The following PIK3R3 variants were observed in gnomAD, a reference collection of about 807,000 sequenced individuals.
PIK3R3 encodes the protein phosphoinositide-3-kinase regulatory subunit 3.
PIK3R3 carries 64 observed loss-of-function variants against 62.9 expected under a neutral mutation model. The ratio of observed to expected loss-of-function variants is 1.02; its 90% CI spans 0.83 to 1.25. The LOEUF (loss-of-function observed/expected upper bound fraction) is 1.25. Among genes scored for constraint, PIK3R3 ranks in the 50% most tolerant of loss-of-function variants. The pLI is 0.00. For synonymous variants in PIK3R3, 165 were observed against 189.0 expected (o/e 0.87, Z 1.04); for missense variants, 614 against 561.6 (o/e 1.09, Z -0.94).
chr1:46,168,847 T>A, the PIK3R3 span, among the ~76,000 whole-genome samples: 23 of 151,722 alleles, frequency 1.5e-4, no homozygotes, highest in African/African-American at 5.6e-4. Context: ...TTACACCCCC[T>A]CCTCAACACA....
the PIK3R3 span, among the ~76,000 whole-genome samples, chr1:46,144,833 A>T: frequency 1.3e-5 from 2 of 151,518 alleles, no homozygotes; most frequent in African/African-American, 4.9e-5. Flanking sequence ...AACTTAGAAG[A>T]CTGGGTTGAG....
intron 6 of PIK3R3, among the ~76,000 whole-genome samples, chr1:46,059,809 T>A (rs895679419): frequency 2.0e-5 from 3 of 150,362 alleles, no homozygotes; most frequent in Non-Finnish European, 3.0e-5. Context: ...ATAAAAAAAA[T>A]TAAAAATAGG....
the PIK3R3 span, among the ~76,000 whole-genome samples, chr1:46,152,947 C>T: frequency 1.1e-4 from 17 of 152,292 alleles, no homozygotes; most frequent in East Asian, 3.1e-3. Flanking sequence ...TGTTCAGGAA[C>T]TTAAGAGAAT....
intron 1 of PIK3R3, among the ~76,000 whole-genome samples, chr1:46,113,425 C>T (rs971375801): frequency 1.3e-5 from 2 of 151,532 alleles, no homozygotes; most frequent in African/African-American, 4.9e-5. Flanking sequence ...TCCCAAGTAG[C>T]TGGGACTACA....
rs1646975571 is a variant in PIK3R3, at chr1:46,040,457, GCA to G, written c.*3214_*3215del. On this transcript the variant is annotated 3_prime_UTR_variant, in exon 10 of 10. Coordinates refer to ENST00000262741, the MANE Select transcript of PIK3R3 (RefSeq NM_003629.4). ...CAGAATAGATTTTTCACAAGTAACG[GCA>G]CCAAAGTCACATGCTGGAATTTGTA... 1.7e-5 allele frequency: 4 copies of G among 229,954 alleles called. No individual in the cohort carries two copies. The highest frequency in any genetic ancestry group is 3.4e-5 in the Non-Finnish European group (4 of 115,998). The allele number at this position is 229,954 out of a possible 1,614,324, so 14.2% of individuals were successfully genotyped here. A position where few individuals can be genotyped will look rare whatever the true frequency, so the allele number is the denominator to read the frequency against.
intron 1 of PIK3R3, among the ~76,000 whole-genome samples, chr1:46,122,915 TG>T (rs1654805436): frequency 6.6e-6 from 1 of 151,912 alleles, no homozygotes; most frequent in East Asian, 1.9e-4. Flanking sequence ...ACTTGGGCAC[TG>T]GATGTTTAGG....
the PIK3R3 span, among the ~76,000 whole-genome samples, chr1:46,142,111 A>C: frequency 2.0e-5 from 3 of 152,126 alleles, no homozygotes; most frequent in African/African-American, 7.2e-5. Context: ...ACCTGTACCC[A>C]TTCTTGCTTC....
chr1:46,048,194 C>G (rs1415557085), intron 7 of PIK3R3: 1 of 152,174 alleles, frequency 6.6e-6, no homozygotes, highest in Non-Finnish European at 1.5e-5. Context: ...ACAGCACATG[C>G]ACATAGACAT....
the PIK3R3 span, among the ~76,000 whole-genome samples, chr1:46,174,122 G>T: frequency 6.6e-6 from 1 of 152,154 alleles, no homozygotes; most frequent in Non-Finnish European, 1.5e-5. Flanking sequence ...CTATGCATTT[G>T]TGTCTGCGTA....
At chr1:46,110,687 A>G (rs2149454092) in intron 1 of PIK3R3, among the ~76,000 whole-genome samples, 1 of 152,210 alleles carries the variant, frequency 6.6e-6, no homozygotes, top group African/African-American at 2.4e-5. Flanking sequence ...AGTGTTTCAC[A>G]CATAGAAGCC....
chr1:46,164,012 C>T, the PIK3R3 span, among the ~76,000 whole-genome samples: 1 of 152,160 alleles, frequency 6.6e-6, no homozygotes, highest in Admixed American at 6.5e-5. Flanking sequence ...GCACCCCCTA[C>T]CTCTAAGGCC....
At chr1:46,131,662 C>A (rs1436307510) in intron 1 of PIK3R3, 185 bp downstream of exon 1, 1 of 484,700 alleles carries the variant, frequency 2.1e-6, no homozygotes, top group Admixed American at 2.2e-5. Context: ...ACAATAGGAT[C>A]AGGGTCCTAA....
Position 46,045,920 on chromosome 1 carries a change from C to G in PIK3R3, c.1185G>C (p.Val395=). Reference sequence around the variant, plus strand: ...TTATATCCCCAGAGAAGACTTACACCACAGAGCAAGCATAGCATCCTTTCT... The same window carrying G: ...TTATATCCCCAGAGAAGACTTACACGACAGAGCAAGCATAGCATCCTTTCT... The part of the protein sequence containing the change: ...SSKKGCYACS[V]VADGEVKHCV... Residue 395 remains valine, a splice_region_variant and synonymous_variant, in exon 9 of 10, where the codon GTG becomes GTC. Transcript: ENST00000262741. The G allele has an allele frequency of 1.2e-6, 2 of 1,612,354 alleles. No homozygotes were observed. Among genetic ancestry groups the G allele is most frequent in the Non-Finnish European group, 1.7e-6 (2 of 1,178,874 alleles).
chr1:46,165,996 G>C, the PIK3R3 span, among the ~76,000 whole-genome samples: 1 of 149,666 alleles, frequency 6.7e-6, no homozygotes, highest in African/African-American at 2.5e-5. Context: ...GGATGGTCTC[G>C]ATCTCCTGAC....
rs76864920 is a variant in PIK3R3, at chr1:46,049,403, G to A, written c.942-2778C>T. On this transcript the variant is annotated intron_variant, in intron 7 of 9. Transcript: ENST00000262741. Reference sequence around the variant, plus strand: ...CCTGAGAGAGAAGGACAGGAGAAACGACTTTGAAGCTGACGCCTTCGTCCT... The same window carrying A: ...CCTGAGAGAGAAGGACAGGAGAAACAACTTTGAAGCTGACGCCTTCGTCCT... Among the ~76,000 whole-genome samples the A allele has an allele frequency of 5.7e-4, 87 of 152,332 alleles. No individual in the cohort carries two copies. In the East Asian group the frequency reaches 0.013, roughly 23 times the overall value.
intron 4 of PIK3R3, among the ~76,000 whole-genome samples, 153 bp downstream of exon 4, chr1:46,066,758 T>G (rs1309071034): frequency 6.6e-6 from 1 of 152,082 alleles, no homozygotes; most frequent in Non-Finnish European, 1.5e-5. Context: ...GCCACTGCAA[T>G]CCAGCCTGGG....
the PIK3R3 span, among the ~76,000 whole-genome samples, chr1:46,150,547 A>G: frequency 6.6e-6 from 1 of 152,188 alleles, no homozygotes; most frequent in Non-Finnish European, 1.5e-5. Flanking sequence ...TGCTTACCCT[A>G]AACCCATTAT....
intron 1 of PIK3R3, among the ~76,000 whole-genome samples, chr1:46,117,365 C>A (rs1384893358): frequency 6.6e-6 from 1 of 151,700 alleles, no homozygotes; most frequent in African/African-American, 2.4e-5. Context: ...CCCAGGAGGT[C>A]ACGGCTACAG....
chr1:46,123,371 A>G (rs1228900727), intron 1 of PIK3R3, among the ~76,000 whole-genome samples: 1 of 152,220 alleles, frequency 6.6e-6, no homozygotes, highest in African/African-American at 2.4e-5. Context: ...ATGAGCAATC[A>G]GGGTATTGGG....
Sources: allele counts gnomAD v4.1 joint callset (sites outside exome capture counted in the v4.1 genomes callset), GRCh38; gene constraint gnomAD v4.1.1; transcripts MANE v1.5; gene names NCBI Gene and HGNC (gene_info 2026-07-23, HGNC 2026-07-21).